MMP1: variants seen among roughly 807,000 people sequenced by gnomAD.
MMP1 encodes the protein interstitial collagenase.
MMP1 carries 51 observed loss-of-function variants against 49.6 expected under a neutral mutation model. The observed-to-expected ratio is 1.03, with a 90% confidence interval of 0.82 to 1.30. MMP1 has a LOEUF of 1.30. MMP1 is among the 50% of genes most tolerant of loss of function. The pLI is 0.00. For missense variants in MMP1, 623 were observed against 568.7 expected (o/e 1.10, Z -0.97); for synonymous variants, 230 against 196.8 (o/e 1.17, Z -1.41).
In MMP1 at chr11:102,797,469, T is replaced by G. The variant is rs753967860; in HGVS notation, c.137A>C (p.Asn46Thr). 8 of 1,614,096 alleles carry G rather than the reference T, an allele frequency of 5.0e-6. No individual in the cohort carries two copies. Among genetic ancestry groups the G allele is most frequent in the Non-Finnish European group, 6.8e-6 (8 of 1,180,042 alleles). Residue 46 changes from asparagine (N) to threonine (T), a missense_variant, in exon 2 of 10, where the codon AAT (asparagine) becomes ACT (threonine). Transcript: ENST00000315274. Reference sequence around the variant, plus strand: ...CCGCTTTTCAACTTGCCTCCCATCATTCTTCAGGTTGTAGTATTTTTCCAG... The same window carrying G: ...CCGCTTTTCAACTTGCCTCCCATCAGTCTTCAGGTTGTAGTATTTTTCCAG... ...KYLEKYYNLK[N>T]DGRQVEKRRN...
At position 102,791,497 on chromosome 11, in the gene MMP1, TGCCAATC is replaced by T. The variant is rs1565210104; in HGVS notation, c.1034-9_1034-3del. The T allele has an allele frequency of 6.2e-7, 1 of 1,611,598 alleles. No individual in the cohort carries two copies. Among genetic ancestry groups the T allele is most frequent in the South Asian group, 1.1e-5 (1 of 90,534 alleles). The stretch of plus-strand genomic sequence containing the variant: ...CCTGAACAGCCCAGTACTTATTCCC[TGCCAATC>T]AAGAAAGAGTGATAAAACACTTGCC... On this transcript the variant is annotated splice_polypyrimidine_tract_variant and splice_region_variant and intron_variant, in intron 7 of 9. Transcript: ENST00000315274.
Position 102,794,512 on chromosome 11 carries a change from G to A in MMP1, c.899+662C>T, listed in dbSNP as rs1858124994. 6.6e-6 allele frequency among the ~76,000 whole-genome samples: 1 copy of A among 152,170 alleles called. No homozygotes were observed. Among genetic ancestry groups the A allele is most frequent in the Admixed American group, 6.5e-5 (1 of 15,270 alleles). ...CCACATGCTGCAGAGGGAGTTCTAG[G>A]ATTCTTCTTTGAAGAGGGAAGCACC... On this transcript the variant is annotated intron_variant, in intron 6 of 9. Coordinates refer to ENST00000315274, the MANE Select transcript of MMP1 (RefSeq NM_002421.4). This position sits in a 1 kb window ranked among gnomAD's most constrained non-coding sequence, Gnocchi z 4.3.
At position 102,797,518 on chromosome 11, in the gene MMP1, T is replaced by A; in HGVS notation, c.106-18A>T. ...AGGTATTTCTGACAAAAGAAAATTA[T>A]CGAAACACTGCATGGGAAATCTTTC... On this transcript the variant is annotated intron_variant, in intron 1 of 9. Coordinates refer to ENST00000315274, the MANE Select transcript of MMP1 (RefSeq NM_002421.4). 1 of 1,612,940 alleles carries A rather than the reference T, an allele frequency of 6.2e-7. No homozygotes were observed. The highest frequency in any genetic ancestry group is 1.3e-5 in the African/African-American group (1 of 74,944).
In MMP1 at chr11:102,791,581, A is replaced by T. The variant is rs774739895; in HGVS notation, c.1034-86T>A. 2.8e-6 allele frequency: 4 copies of T among 1,431,474 alleles called. No individual in the cohort carries two copies. In the African/African-American group the frequency reaches 5.6e-5, roughly 20 times the overall value. 88.7% of individuals were successfully genotyped at this position (1,431,474 alleles called of 1,614,324 possible). On this transcript the variant is annotated intron_variant, in intron 7 of 9. Transcript: ENST00000315274. Reference sequence around the variant, plus strand: ...TTTTCAGCTAAGTTCTTAGTTTCACATGCTAGTGCAGTACCCTGGCTGCAG... The same window carrying T: ...TTTTCAGCTAAGTTCTTAGTTTCACTTGCTAGTGCAGTACCCTGGCTGCAG...
At chr11:102,795,006 A>C in intron 6 of MMP1, 168 bp downstream of exon 6, 1 of 624,050 alleles carries the variant, frequency 1.6e-6, no homozygotes, top group Admixed American at 2.7e-5. Flanking sequence ...TAGAAAAACA[A>C]AGTTGTTACA....
rs190047715 is a variant in MMP1, at chr11:102,795,713, A to G, written c.626-106T>C. 1.6e-5 allele frequency: 16 copies of G among 976,782 alleles called. No individual in the cohort carries two copies. In the African/African-American group the frequency reaches 1.8e-4, roughly 11 times the overall value. 60.5% of individuals were successfully genotyped at this position (976,782 alleles called of 1,614,324 possible). A position where few individuals can be genotyped will look rare whatever the true frequency, so the allele number is the denominator to read the frequency against. On this transcript the variant is annotated intron_variant, in intron 4 of 9. Transcript: ENST00000315274. Reference sequence around the variant, plus strand: ...CTACAAGGACTCATGTTACTATTTTATCAGTGACTTTTGAAATATATGCAT... The same window carrying G: ...CTACAAGGACTCATGTTACTATTTTGTCAGTGACTTTTGAAATATATGCAT...
Position 102,790,325 on chromosome 11 carries a change from TA to T in MMP1, c.*86del, listed in dbSNP as rs1857988623. 2.7e-6 allele frequency: 2 copies of T among 754,032 alleles called. No individual in the cohort carries two copies. The highest frequency in any genetic ancestry group is 5.1e-5 in the East Asian group (2 of 38,886). The allele number at this position is 754,032 out of a possible 1,614,324, so 46.7% of individuals were successfully genotyped here. A position where few individuals can be genotyped will look rare whatever the true frequency, so the allele number is the denominator to read the frequency against. On this transcript the variant is annotated 3_prime_UTR_variant, in exon 10 of 10. Transcript: ENST00000315274. Reference sequence around the variant, plus strand: ...TCTGTGTATCAGTGACTCTAGAGGTTAAAAATGACTGAGAAAATAGACAGTT... The same window carrying T: ...TCTGTGTATCAGTGACTCTAGAGGTTAAAATGACTGAGAAAATAGACAGTT...
At chr11:102,791,258 C>A in intron 8 of MMP1, 75 bp downstream of exon 8, 1 of 1,539,896 alleles carries the variant, frequency 6.5e-7, no homozygotes. Context: ...TTGAGACTCA[C>A]TTTGAAATGG....
In MMP1 at chr11:102,791,333, C is replaced by T; in HGVS notation, c.1196G>A (p.Arg399Lys). The change falls in exon 8 of 10, where the codon AGG (arginine) becomes AAG (lysine). Residue 399 changes from arginine (R) to lysine (K), a missense_variant and splice_region_variant. By Grantham distance (26) the Arg-to-Lys change is conservative. Coordinates refer to ENST00000315274, the MANE Select transcript of MMP1 (RefSeq NM_002421.4). ...TYFFVANKYW[R>K]YDEYKRSMDP... ...TAACATTCTCTGCACTTAAACTTAC[C>T]TCCAGTATTTGTTAGCAACAAAGAA... 3.1e-6 allele frequency: 5 copies of T among 1,613,794 alleles called. No homozygotes were observed. The highest frequency in any genetic ancestry group is 4.2e-6 in the Non-Finnish European group (5 of 1,179,744).
chr11:102,798,055 C>G lies in MMP1; in HGVS notation c.38G>C (p.Trp13Ser). ...SFPPLLLLLF[W>S]GVVSHSFPAT... ...TGGGAAGCTGTGAGACACCACACCC[C>G]AGAACAGCAGCAGCAGCAGTGGAGG... The change falls in exon 1 of 10, where the codon TGG (tryptophan) becomes TCG (serine). Residue 13 changes from tryptophan to serine, a missense_variant. By Grantham distance (177) the Trp-to-Ser change is radical (BLOSUM62 -3). Coordinates refer to ENST00000315274, the MANE Select transcript of MMP1 (RefSeq NM_002421.4). 2 of 1,613,184 alleles carry G rather than the reference C, an allele frequency of 1.2e-6. No individual in the cohort carries two copies. Among genetic ancestry groups the G allele is most frequent in the Admixed American group, 1.7e-5 (1 of 59,992 alleles).
At position 102,797,441 on chromosome 11, in the gene MMP1, T is replaced by A. The variant is rs1343596418; in HGVS notation, c.165A>T (p.Arg55Ser). 1 of 1,614,062 alleles carries A rather than the reference T, an allele frequency of 6.2e-7. No individual in the cohort carries two copies. Among genetic ancestry groups the A allele is most frequent in the Non-Finnish European group, 8.5e-7 (1 of 1,180,042 alleles). The change falls in exon 2 of 10, where the codon AGA becomes AGT. Residue 55 changes from arginine (R) to serine (S), a missense_variant. Transcript: ENST00000315274. ...ATTTTTCAACCACTGGGCCACTATT[T>A]CTCCGCTTTTCAACTTGCCTCCCAT... ...KNDGRQVEKR[R>S]NSGPVVEKLK...
At position 102,795,449 on chromosome 11, in the gene MMP1, C is replaced by T. The variant is rs999484381; in HGVS notation, c.781+3G>A. ...TGTCCGTAATGTTTTTCCCCATACT[C>T]ACCATATATGGCTTGGATGCCATCA... On this transcript the variant is annotated splice_donor_region_variant and intron_variant, in intron 5 of 9. Transcript: ENST00000315274. 3.1e-6 allele frequency: 5 copies of T among 1,612,812 alleles called. No individual in the cohort carries two copies. Among genetic ancestry groups the T allele is most frequent in the Middle Eastern group, 3.3e-4 (2 of 6,076 alleles).
rs766351335 is a variant in MMP1 at position 102,795,216 on chromosome 11, G to A, written c.857C>T (p.Ala286Val). ...CACTTCTCCCCGAATCGTAGTTATAGCATCAAAGGTTAGCTTACTGTCACA... is the reference window on the plus strand; with the variant it reads ...CACTTCTCCCCGAATCGTAGTTATAACATCAAAGGTTAGCTTACTGTCACA... Reference protein sequence around the residue: ...KACDSKLTFDAITTIRGEVMF... With the variant: ...KACDSKLTFDVITTIRGEVMF... Residue 286 changes from alanine to valine, a missense_variant, in exon 6 of 10, where the codon GCT becomes GTT. Transcript: ENST00000315274. 6 of 1,614,078 alleles carry A rather than the reference G, an allele frequency of 3.7e-6. No homozygotes were observed. The highest frequency in any genetic ancestry group is 2.2e-5 in the South Asian group (2 of 91,074).
chr11:102,796,816 C>T lies in MMP1; in HGVS notation c.500-27G>A, dbSNP rs376794554. 3.7e-5 allele frequency: 60 copies of T among 1,608,088 alleles called. No individual in the cohort carries two copies. In the African/African-American group the frequency reaches 7.5e-4, roughly 20 times the overall value. ...TGAAAGAAACAATTCAACAAAGATT[C>T]CTTGTGGTTCTTATGTAAGCTAAGC... On this transcript the variant is annotated intron_variant, in intron 3 of 9. Coordinates refer to ENST00000315274, the MANE Select transcript of MMP1 (RefSeq NM_002421.4).
In MMP1 at chr11:102,794,599, G is replaced by C. The variant is rs1395950991; in HGVS notation, c.899+575C>G. On this transcript the variant is annotated intron_variant, in intron 6 of 9. Transcript: ENST00000315274. The surrounding 1 kb of genome is among the most constrained non-coding windows in gnomAD (Gnocchi z 4.3). ...TCATCAGTTCTTGGGGACTTTCCCA[G>C]CATTGGTGCCCTCTCTTCTCTTCTT... 6.6e-6 allele frequency among the ~76,000 whole-genome samples: 1 copy of C among 152,170 alleles called. No homozygotes were observed. Among genetic ancestry groups the C allele is most frequent in the Non-Finnish European group, 1.5e-5 (1 of 68,034 alleles).
At position 102,797,306 on chromosome 11, in the gene MMP1, A is replaced by G. The variant is rs375460970; in HGVS notation, c.300T>C (p.Phe100=). 1 of 1,614,092 alleles carries G rather than the reference A, an allele frequency of 6.2e-7. No homozygotes were observed. Among genetic ancestry groups the G allele is most frequent in the African/African-American group, 1.3e-5 (1 of 74,944 alleles). Residue 100 remains phenylalanine, a synonymous_variant, in exon 2 of 10, where the codon TTT becomes TTC. Coordinates refer to ENST00000315274, the MANE Select transcript of MMP1 (RefSeq NM_002421.4). ...AGCGAGGGTTCCCCTCAGTGAGGAC[A>G]AACTGAGCCACATCAGGCACTCCAC... ...PRCGVPDVAQ[F]VLTEGNPRWE... is the part of the protein sequence containing the mutation.
Position 102,797,366 on chromosome 11 carries a change from A to C in MMP1, c.240T>G (p.Asp80Glu). Residue 80 changes from aspartate (D) to glutamate (E), a missense_variant, in exon 2 of 10, where the codon GAT (aspartate) becomes GAG (glutamate). Physicochemically the swap from Asp to Glu is conservative, Grantham distance 45 (BLOSUM62 2). Transcript: ENST00000315274. Reference protein sequence around the residue: ...FFGLKVTGKPDAETLKVMKQP... With the variant: ...FFGLKVTGKPEAETLKVMKQP... ...GCTTCATCACCTTCAGGGTTTCAGC[A>C]TCTGGTTTCCCAGTCACTTTCAGCC... is the stretch of plus-strand genomic sequence containing the variant. 4 of 1,614,188 alleles carry C rather than the reference A, an allele frequency of 2.5e-6. No individual in the cohort carries two copies. The highest frequency in any genetic ancestry group is 1.6e-4 in the Middle Eastern group (1 of 6,062).
At position 102,791,063 on chromosome 11, in the gene MMP1, G is replaced by A. The variant is rs916605400; in HGVS notation, c.1197-257C>T. Among the ~76,000 whole-genome samples, 23 of 152,198 alleles carry A rather than the reference G, an allele frequency of 1.5e-4. 1 individual carries two copies. Among genetic ancestry groups the A allele is most frequent in the African/African-American group, 4.6e-4 (19 of 41,450 alleles). ...CGAGGTAACATACTATGGAAGATAA[G>A]TAACTTTTGGCCAAAGTAGCTCCGT... On this transcript the variant is annotated intron_variant, in intron 8 of 9. Transcript: ENST00000315274.
Position 102,792,634 on chromosome 11 carries a change from G to A in MMP1, c.1004C>T (p.Ala335Val), listed in dbSNP as rs200931880. The A allele has an allele frequency of 6.2e-7, 1 of 1,613,546 alleles. No homozygotes were observed. The highest frequency in any genetic ancestry group is 1.1e-5 in the South Asian group (1 of 90,936). ...PNGLEAAYEF[A>V]DRDEVRFFKG... ...GAAAAACCGGACTTCATCTCTGTCG[G>A]CAAATTCGTAAGCAGCTTCAAGCCC... The change falls in exon 7 of 10, where the codon GCC becomes GTC. Residue 335 changes from alanine to valine, a missense_variant. Ala to Val is a moderately conservative substitution (Grantham distance 64, BLOSUM62 0). Transcript: ENST00000315274.
Sources: allele counts gnomAD v4.1 joint callset (sites outside exome capture counted in the v4.1 genomes callset), GRCh38; gene constraint gnomAD v4.1.1; non-coding constraint Gnocchi (gnomAD v3.1); transcripts MANE v1.5; gene names NCBI Gene and HGNC (gene_info 2026-07-23, HGNC 2026-07-21).